KANK1: variants seen among roughly 807,000 people sequenced by gnomAD.
The protein encoded by KANK1 is KN motif and ankyrin repeat domains 1.
In KANK1, 109 loss-of-function variants were observed where a neutral mutation model predicts 106.2. The observed-to-expected ratio is 1.03, with a 90% CI of 0.88 to 1.20. KANK1 has a LOEUF of 1.20. KANK1 is among the 50% of genes most tolerant of loss of function. The pLI, the probability that KANK1 is intolerant of heterozygous loss-of-function variation, is 0.00. For synonymous variants in KANK1, 873 were observed against 652.2 expected, an observed-to-expected ratio of 1.34 and a Z score of -5.16; for missense variants, 2,399 against 1,710.7, an observed-to-expected ratio of 1.40 and a Z score of -7.10.
At chr9:639,043 A>T (rs1314255548) in intron 1 of KANK1, among the ~76,000 whole-genome samples, 1 of 152,180 alleles carries the variant, frequency 6.6e-6, no homozygotes, top group African/African-American at 2.4e-5. Flanking sequence ...ATCACACCTC[A>T]GTGTAAGTCT....
intron 3 of KANK1, among the ~76,000 whole-genome samples, chr9:491,281 T>A (rs1219577278): frequency 6.6e-6 from 1 of 150,912 alleles, no homozygotes; most frequent in African/African-American, 2.5e-5. Context: ...TTTTCTTTTT[T>A]TTTTTTAGAC....
chr9:710,940 C>G lies in KANK1; in HGVS notation c.174C>G (p.Ile58Met). ...YVDDIQKGNT[I>M]KRLNIQKRRK... is the part of the protein sequence containing the mutation. Reference sequence around the variant, plus strand: ...ATGACATACAGAAGGGAAATACCATCAAAAGACTGAACATCCAGAAGAGGC... The same window carrying G: ...ATGACATACAGAAGGGAAATACCATGAAAAGACTGAACATCCAGAAGAGGC... Residue 58 changes from isoleucine to methionine, a missense_variant, in exon 3 of 12, where the codon ATC becomes ATG. By Grantham distance (10) the Ile-to-Met change is conservative. Transcript: ENST00000382297. 6.2e-7 allele frequency: 1 copy of G among 1,614,168 alleles called. No individual in the cohort carries two copies. Among genetic ancestry groups the G allele is most frequent in the Non-Finnish European group, 8.5e-7 (1 of 1,180,028 alleles).
Position 565,232 on chromosome 9 carries a change from C to G in KANK1, c.-84+60478C>G, listed in dbSNP as rs536736341. 2.6e-5 allele frequency among the ~76,000 whole-genome samples: 4 copies of G among 152,292 alleles called. 1 individual carries two copies. The South Asian group carries it at 8.3e-4, about 32-fold the overall frequency. On this transcript the variant is annotated intron_variant, in intron 1 of 11. Transcript: ENST00000382297. ...AGATCTTTCCCACCCATTCAACTCC[C>G]TGACTAGTTACTGCTAAAGAGAAAA...
intron 1 of KANK1, among the ~76,000 whole-genome samples, chr9:612,800 G>A (rs1277443091): frequency 6.6e-6 from 1 of 152,098 alleles, no homozygotes; most frequent in Non-Finnish European, 1.5e-5. Flanking sequence ...ACACTCTTTC[G>A]AACCCCAGTT....
chr9:548,688 G>C, intron 1 of KANK1, among the ~76,000 whole-genome samples: 1 of 152,104 alleles, frequency 6.6e-6, no homozygotes, highest in East Asian at 1.9e-4. Context: ...ATACTAAAAT[G>C]TTAATTGCAT....
At chr9:589,373 G>A (rs1824274227) in intron 1 of KANK1, among the ~76,000 whole-genome samples, 1 of 152,200 alleles carries the variant, frequency 6.6e-6, no homozygotes, top group Admixed American at 6.5e-5. Flanking sequence ...ATCATGATAA[G>A]CTAAGGAGGT....
intron 1 of KANK1, among the ~76,000 whole-genome samples, chr9:550,282 G>A (rs1253002027): frequency 6.6e-6 from 1 of 151,970 alleles, no homozygotes; most frequent in African/African-American, 2.4e-5. Flanking sequence ...TCTTAACTGG[G>A]TTTTATGAAA....
chr9:671,987 T>C (rs1278647051), intron 1 of KANK1, among the ~76,000 whole-genome samples: 1 of 152,186 alleles, frequency 6.6e-6, no homozygotes, highest in Non-Finnish European at 1.5e-5. Flanking sequence ...GAGATGCAGC[T>C]TTCTTATCTA....
chr9:538,648 T>G (rs1254856930), intron 1 of KANK1, among the ~76,000 whole-genome samples: 1 of 152,182 alleles, frequency 6.6e-6, no homozygotes, highest in Non-Finnish European at 1.5e-5. Context: ...TATTGTTTGC[T>G]TAGTTATTTG....
chr9:738,838 G>A (rs1266214738), intron 8 of KANK1, among the ~76,000 whole-genome samples: 3 of 152,174 alleles, frequency 2.0e-5, no homozygotes, highest in Admixed American at 1.3e-4. Context: ...GGGCTTGGCC[G>A]GTTTGCACTC....
intron 1 of KANK1, among the ~76,000 whole-genome samples, chr9:658,156 G>C (rs1419402241): frequency 6.6e-6 from 1 of 152,102 alleles, no homozygotes; most frequent in African/African-American, 2.4e-5. Context: ...GGAATGTCCA[G>C]TGTCCTTTCC....
intron 1 of KANK1, among the ~76,000 whole-genome samples, chr9:565,481 A>G (rs1477375972): frequency 6.6e-6 from 1 of 152,234 alleles, no homozygotes; most frequent in Admixed American, 6.5e-5. Context: ...AGAGGTGGCT[A>G]GCCGCATGGG....
At chr9:638,565 T>A (rs1487328873) in intron 1 of KANK1, among the ~76,000 whole-genome samples, 1 of 152,186 alleles carries the variant, frequency 6.6e-6, no homozygotes, top group African/African-American at 2.4e-5. Flanking sequence ...CTCTGTAAAG[T>A]GCCTCAATGT....
At chr9:490,194 C>T (rs574891851) in intron 3 of KANK1, among the ~76,000 whole-genome samples, 2 of 152,304 alleles carry the variant, frequency 1.3e-5, no homozygotes, top group Non-Finnish European at 2.9e-5. Context: ...ATTTTAAATA[C>T]ATCTCCACTG....
At chr9:668,088 T>C (rs1845075119) in intron 1 of KANK1, among the ~76,000 whole-genome samples, 1 of 152,184 alleles carries the variant, frequency 6.6e-6, no homozygotes, top group Non-Finnish European at 1.5e-5. Flanking sequence ...GAAAGGATAC[T>C]TGATATGATT....
At chr9:657,571 T>A (rs1035982719) in intron 1 of KANK1, among the ~76,000 whole-genome samples, 16 of 152,168 alleles carry the variant, frequency 1.1e-4, no homozygotes, top group African/African-American at 3.9e-4. Flanking sequence ...GTTCTTGTTT[T>A]TTTTTAATAG....
chr9:646,944 C>G (rs572683791), intron 1 of KANK1, among the ~76,000 whole-genome samples: 3 of 150,740 alleles, frequency 2.0e-5, no homozygotes, highest in Admixed American at 6.6e-5. Context: ...GTAATCCACC[C>G]GCCTCAGCCT....
intron 1 of KANK1, among the ~76,000 whole-genome samples, chr9:661,978 T>C (rs1427348654): frequency 6.6e-6 from 1 of 152,184 alleles, no homozygotes; most frequent in African/African-American, 2.4e-5. Flanking sequence ...GGTTGTTTGA[T>C]TTTTTCTTGT....
rs1409799067 is a variant in KANK1, at chr9:655,751, A to T, written c.-83-21139A>T. Among the ~76,000 whole-genome samples the T allele has an allele frequency of 5.3e-5, 8 of 152,352 alleles. No homozygotes were observed. In the East Asian group the frequency reaches 1.3e-3, roughly 26 times the overall value. ...AAAAGCAATGTCATTGAGATTTCAG[A>T]TACCTTAGAAACAATAAATATTTTG... On this transcript the variant is annotated intron_variant, in intron 1 of 11. Transcript: ENST00000382297.
Sources: gnomAD v4.1 joint callset for allele counts (sites outside exome capture counted in the v4.1 genomes callset) on GRCh38, gnomAD v4.1.1 for gene constraint, MANE v1.5 for transcripts, NCBI Gene and HGNC (gene_info 2026-07-23, HGNC 2026-07-21) for gene names.